The following PKD1L1 variants were observed in gnomAD, a reference collection of about 807,000 sequenced individuals.
PKD1L1 encodes polycystin-1-like protein 1.
A neutral mutation model predicts 323.4 loss-of-function variants in PKD1L1; 236 were observed. That is an observed-to-expected ratio of 0.73 (90% confidence interval 0.66 to 0.81). The LOEUF is 0.81. Among genes scored for constraint, PKD1L1 ranks in the 40% least tolerant of loss-of-function variants. The pLI, the probability that PKD1L1 is intolerant of heterozygous loss-of-function variation, is 0.00. For synonymous variants in PKD1L1, 1,344 were observed against 1,335.0 expected, an observed-to-expected ratio of 1.01 and a Z score of -0.15; for missense variants, 3,320 against 3,508.0, an observed-to-expected ratio of 0.95 and a Z score of 1.35.
intron 40 of PKD1L1, among the ~76,000 whole-genome samples, chr7:47,834,021 G>A (rs1562951833): frequency 1.3e-5 from 2 of 152,222 alleles, no homozygotes; most frequent in South Asian, 2.1e-4. Context: ...GGTATTTACT[G>A]AGTAGACACA....
intron 30 of PKD1L1, among the ~76,000 whole-genome samples, chr7:47,853,599 T>C (rs1785828642): frequency 6.6e-6 from 1 of 151,654 alleles, no homozygotes; most frequent in African/African-American, 2.4e-5. Context: ...CAAAATCAGC[T>C]GGGCGTGGTG....
At chr7:47,897,866 TAAACAACCTCCC>T in intron 14 of PKD1L1, 110 bp downstream of exon 14, 1 of 721,148 alleles carries the variant, frequency 1.4e-6, no homozygotes, top group Non-Finnish European at 2.1e-6. Context: ...TTTTTTTTTT[TAAACAACCTCCC>T]TTTTCCTGGA....
chr7:47,944,205 G>A (rs1205283772), intron 1 of PKD1L1, among the ~76,000 whole-genome samples: 3 of 152,106 alleles, frequency 2.0e-5, no homozygotes, highest in Non-Finnish European at 4.4e-5. Context: ...ATCTCTCATG[G>A]CTTGGTGCTG....
rs1786780533 is a variant in PKD1L1, at chr7:47,890,225, C to T, written c.2675+317G>A. The stretch of plus-strand genomic sequence containing the variant: ...TTGCCTCCTGGCTTCAGTCCCAAGC[C>T]CCAGGAGAGTCCCCGATCTTTCAGG... On this transcript the variant is annotated intron_variant, in intron 16 of 56. Transcript: ENST00000289672. Among the ~76,000 whole-genome samples, 3 of 152,186 alleles carry T rather than the reference C, an allele frequency of 2.0e-5. No individual in the cohort carries two copies. In the South Asian group the frequency reaches 6.2e-4, roughly 31 times the overall value.
intron 56 of PKD1L1, among the ~76,000 whole-genome samples, chr7:47,781,599 C>T (rs563823781): frequency 2.8e-4 from 43 of 151,538 alleles, no homozygotes; most frequent in African/African-American, 7.8e-4. Context: ...TTAGTAGAGA[C>T]GGGGTTTCAC....
At chr7:47,778,983 T>C (rs1314764006) in intron 56 of PKD1L1, among the ~76,000 whole-genome samples, 2 of 152,254 alleles carry the variant, frequency 1.3e-5, no homozygotes, top group Non-Finnish European at 2.9e-5. Flanking sequence ...TATTAGTAAC[T>C]AAACTAGAAG....
In PKD1L1 at chr7:47,932,022, C is replaced by T. The variant is rs376263525; in HGVS notation, c.433G>A (p.Ala145Thr). 3.2e-5 allele frequency: 51 copies of T among 1,613,442 alleles called. No homozygotes were observed. The highest frequency in any genetic ancestry group is 1.6e-4 in the Middle Eastern group (1 of 6,082). ...PHKPFIIIARAWSSGGPRFHH... is the reference protein window; with the variant it reads ...PHKPFIIIARTWSSGGPRFHH... ...AACCTGGGGCCACCACTGCTCCAGG[C>T]CCTTGCGATTATAATGAAAGGTTTG... The change falls in exon 5 of 57, where the codon GCC becomes ACC. Residue 145 changes from alanine to threonine, a missense_variant. Ala to Thr is a moderately conservative substitution (Grantham distance 58, BLOSUM62 0). Transcript: ENST00000289672.
intron 45 of PKD1L1, among the ~76,000 whole-genome samples, chr7:47,825,216 T>C (rs1446888575): frequency 6.6e-6 from 1 of 151,342 alleles, no homozygotes; most frequent in Admixed American, 6.6e-5. Flanking sequence ...CAGTCCACTT[T>C]TTTTTTGTTT....
At chr7:47,873,571 C>T (rs1343883602) in intron 24 of PKD1L1, among the ~76,000 whole-genome samples, 4 of 146,906 alleles carry the variant, frequency 2.7e-5, no homozygotes, top group South Asian at 2.2e-4. Context: ...CACTTGAACC[C>T]GGGAGGTGGA....
intron 21 of PKD1L1, among the ~76,000 whole-genome samples, chr7:47,879,071 C>G (rs1280205946): frequency 1.3e-5 from 2 of 152,162 alleles, no homozygotes; most frequent in Non-Finnish European, 2.9e-5. Context: ...AAACGCTGCC[C>G]GTCTTGTATC....
At chr7:47,898,510 T>C (rs1787009819) in intron 13 of PKD1L1, among the ~76,000 whole-genome samples, 1 of 152,150 alleles carries the variant, frequency 6.6e-6, no homozygotes, top group Admixed American at 6.5e-5. Context: ...CATAAAAAAT[T>C]TAAGCTTCCA....
Position 47,812,051 on chromosome 7 carries a change from C to G in PKD1L1, c.7347G>C (p.Arg2449Ser), listed in dbSNP as rs369536558. The G allele has an allele frequency of 6.4e-7, 1 of 1,557,208 alleles. No individual in the cohort carries two copies. Among genetic ancestry groups the G allele is most frequent in the East Asian group, 2.4e-5 (1 of 41,298 alleles). Residue 2449 changes from arginine (R) to serine (S), a missense_variant and splice_region_variant, in exon 50 of 57, where the codon AGG (arginine) becomes AGC (serine). Arg to Ser is a moderately radical substitution (Grantham distance 110). Transcript: ENST00000289672. ...GGGACAGGGCTGTGTGGGCTTCAGT[C>G]CTGTAAAACAGCACACACTGGGGTA... ...EDCVLSLGRT[R>S]TEAHTALSRL...
intron 55 of PKD1L1, among the ~76,000 whole-genome samples, chr7:47,793,267 G>A (rs2128723807): frequency 6.6e-6 from 1 of 152,262 alleles, no homozygotes; most frequent in Non-Finnish European, 1.5e-5. Context: ...ACTGGATGAT[G>A]CTTAAATATC....
intron 15 of PKD1L1, among the ~76,000 whole-genome samples, chr7:47,893,184 C>G (rs562463036): frequency 1.5e-5 from 2 of 137,664 alleles, no homozygotes; most frequent in Non-Finnish European, 3.0e-5. Context: ...GAGCTGAGAT[C>G]GAGCCACTGC....
At chr7:47,813,657 G>A in intron 48 of PKD1L1, 3 of 668,708 alleles carry the variant, frequency 4.5e-6, no homozygotes, top group Non-Finnish European at 8.2e-6. Flanking sequence ...AAAAATCCTA[G>A]TTTTGCCTAG....
intron 1 of PKD1L1, 58 bp downstream of exon 1, chr7:47,948,339 C>G (rs1307132302): frequency 2.5e-6 from 4 of 1,595,176 alleles, no homozygotes; most frequent in Admixed American, 1.7e-5. Flanking sequence ...AAGAAAATTT[C>G]TGAATGCATA....
chr7:47,804,751 C>T (rs1328731836), intron 52 of PKD1L1, among the ~76,000 whole-genome samples: 5 of 152,124 alleles, frequency 3.3e-5, no homozygotes, highest in Admixed American at 6.5e-5. Context: ...TCCCAAAATG[C>T]TAGGATTATA....
Position 47,854,912 on chromosome 7 carries a change from G to A in PKD1L1, c.4829C>T (p.Thr1610Ile). The A allele has an allele frequency of 6.2e-7, 1 of 1,614,144 alleles. No homozygotes were observed. The highest frequency in any genetic ancestry group is 8.5e-7 in the Non-Finnish European group (1 of 1,180,030). Residue 1610 changes from threonine (T) to isoleucine (I), a missense_variant, in exon 30 of 57, where the codon ACA (threonine) becomes ATA (isoleucine). Thr to Ile is a moderately conservative substitution (Grantham distance 89). Transcript: ENST00000289672. ...QIEIEFSKPV[T>I]RAFPVMLLVR... The stretch of plus-strand genomic sequence containing the variant: ...TAGCAACATGACGGGAAATGCCCTT[G>A]TAACAGGTTTGGAAAATTCAATTTC...
At chr7:47,824,895 TA>T (rs1342474645) in intron 45 of PKD1L1, among the ~76,000 whole-genome samples, 1 of 152,222 alleles carries the variant, frequency 6.6e-6, no homozygotes, top group Non-Finnish European at 1.5e-5. Context: ...AGGTCCCACA[TA>T]AATTGGTTTG....
Sources: allele counts gnomAD v4.1 joint callset (sites outside exome capture counted in the v4.1 genomes callset), GRCh38; gene constraint gnomAD v4.1.1; transcripts MANE v1.5; gene names NCBI Gene and HGNC (gene_info 2026-07-23, HGNC 2026-07-21).